The following TLK1 variants were observed in gnomAD, a reference collection of about 807,000 sequenced individuals.
The protein encoded by TLK1 is serine/threonine-protein kinase tousled-like 1.
In TLK1, 24 loss-of-function variants were observed where a neutral mutation model predicts 105.3. The observed-to-expected ratio is 0.23, with a 90% CI of 0.17 to 0.32. The LOEUF (loss-of-function observed/expected upper bound fraction) is 0.32. Ranked by LOEUF, TLK1 falls within the 10% of genes least tolerant of loss-of-function variation. The pLI is 1.00. For missense variants in TLK1, 558 were observed against 910.5 expected (o/e 0.61, Z 4.98); for synonymous variants, 321 against 310.4 (o/e 1.03, Z -0.36).
At chr2:171,178,747 C>A (rs1692876950) in intron 1 of TLK1, among the ~76,000 whole-genome samples, 2 of 152,092 alleles carry the variant, frequency 1.3e-5, no homozygotes, top group Non-Finnish European at 2.9e-5. Context: ...TGCTCTTATT[C>A]TTTTTGTTAA....
At chr2:171,065,826 T>C (rs533503415) in intron 3 of TLK1, among the ~76,000 whole-genome samples, 1 of 152,326 alleles carries the variant, frequency 6.6e-6, no homozygotes, top group Admixed American at 6.5e-5. Flanking sequence ...CGTGAGCCAC[T>C]GCGCCCAGCC....
intron 1 of TLK1, among the ~76,000 whole-genome samples, chr2:171,151,874 G>A (rs1692055243): frequency 6.6e-6 from 1 of 152,182 alleles, no homozygotes; most frequent in African/African-American, 2.4e-5. Flanking sequence ...TTACACAGAT[G>A]TTTAAAAGAA....
chr2:171,020,369 G>A lies in TLK1; in HGVS notation c.1237-5421C>T, dbSNP rs147307698. On this transcript the variant is annotated intron_variant, in intron 12 of 20. Transcript: ENST00000431350. ...AGCCTGGCCAACACAGTGAAACCCC[G>A]TCTCTACTAAAAATATATAAATTAG... Among the ~76,000 whole-genome samples the A allele has an allele frequency of 2.5e-3, 376 of 151,722 alleles. 4 individuals carry two copies. Among genetic ancestry groups the A allele is most frequent in the African/African-American group, 8.8e-3 (365 of 41,384 alleles).
At chr2:171,201,193 AT>A (rs1693392007) in intron 1 of TLK1, among the ~76,000 whole-genome samples, 1 of 152,088 alleles carries the variant, frequency 6.6e-6, no homozygotes, top group Non-Finnish European at 1.5e-5. Context: ...CTCAAATCCC[AT>A]TTTTATATTA....
rs1685101726 is a variant in TLK1, at chr2:171,014,924, G to T, written c.1261C>A (p.Leu421Ile). 6.2e-7 allele frequency: 1 copy of T among 1,613,828 alleles called. No homozygotes were observed. Among genetic ancestry groups the T allele is most frequent in the Non-Finnish European group, 8.5e-7 (1 of 1,179,836 alleles). Reference protein sequence around the residue: ...KKEEAEIQAELERLERVRNLH... With the variant: ...KKEEAEIQAEIERLERVRNLH... ...TTTCTGACTCTTTCCAAACGTTCAA[G>T]TTCTGCCTGGATTTCTGCCTCTTCC... Residue 421 changes from leucine to isoleucine, a missense_variant, in exon 13 of 21, where the codon CTT (leucine) becomes ATT (isoleucine). By Grantham distance (5) the Leu-to-Ile change is conservative. Coordinates refer to ENST00000431350, the MANE Select transcript of TLK1 (RefSeq NM_012290.5).
chr2:171,001,431 G>A (rs1684366491), intron 18 of TLK1, among the ~76,000 whole-genome samples: 1 of 152,144 alleles, frequency 6.6e-6, no homozygotes, highest in South Asian at 2.1e-4. Context: ...CCTGACTTCA[G>A]GGATAAAGCA....
At chr2:171,152,989 T>G (rs1264566407) in intron 1 of TLK1, among the ~76,000 whole-genome samples, 1 of 152,144 alleles carries the variant, frequency 6.6e-6, no homozygotes, top group Non-Finnish European at 1.5e-5. Flanking sequence ...TTTTTGTATT[T>G]TTTTAAATCT....
At chr2:171,109,851 T>C (rs1055661924) in intron 2 of TLK1, among the ~76,000 whole-genome samples, 1 of 152,194 alleles carries the variant, frequency 6.6e-6, no homozygotes, top group Non-Finnish European at 1.5e-5. Flanking sequence ...TCAAAAACAC[T>C]ACATTAAATA....
chr2:171,196,364 G>A (rs218304), intron 1 of TLK1, among the ~76,000 whole-genome samples: 137,931 of 151,966 alleles, frequency 0.91, 64,091 homozygotes, highest in Non-Finnish European at 1. Context: ...TGATCTGCCC[G>A]CCTCAGCCTC....
At chr2:171,111,030 A>T (rs1428118023) in intron 2 of TLK1, among the ~76,000 whole-genome samples, 3 of 152,194 alleles carry the variant, frequency 2.0e-5, no homozygotes, top group Non-Finnish European at 2.9e-5. Flanking sequence ...ATAACAAGTA[A>T]ATTATGAAGG....
rs1415816031 is a variant in TLK1, at chr2:171,098,933, C to T, written c.259-16081G>A. 5.3e-5 allele frequency among the ~76,000 whole-genome samples: 8 copies of T among 152,238 alleles called. No homozygotes were observed. The East Asian group carries it at 1.5e-3, about 29-fold the overall frequency. On this transcript the variant is annotated intron_variant, in intron 2 of 20. Coordinates refer to ENST00000431350, the MANE Select transcript of TLK1 (RefSeq NM_012290.5). The stretch of plus-strand genomic sequence containing the variant: ...ATTTAAAAGGAACAAAAAAGAGCCA[C>T]TCAGCAATCTAGAAATAAAAGGAAA...
At chr2:171,042,993 G>C (rs909122776) in intron 11 of TLK1, among the ~76,000 whole-genome samples, 2 of 151,918 alleles carry the variant, frequency 1.3e-5, no homozygotes, top group African/African-American at 4.8e-5. Context: ...GGTTAAACAT[G>C]GTGAGACATG....
At chr2:171,117,172 G>A (rs1690469635) in intron 2 of TLK1, among the ~76,000 whole-genome samples, 1 of 152,162 alleles carries the variant, frequency 6.6e-6, no homozygotes. Flanking sequence ...CCTCATATCA[G>A]GCATTAGATT....
chr2:171,116,398 T>A (rs1001708248), intron 2 of TLK1, among the ~76,000 whole-genome samples: 4 of 152,028 alleles, frequency 2.6e-5, no homozygotes, highest in African/African-American at 9.7e-5. Flanking sequence ...CTAACAAGCA[T>A]ACAAAGAAAT....
chr2:171,120,248 G>GAA (rs71008751), intron 1 of TLK1, among the ~76,000 whole-genome samples: 44 of 47,046 alleles, frequency 9.4e-4, no homozygotes, highest in East Asian at 1.8e-3. Context: ...GACTCCGTCA[G>GAA]AAAAAAAAAA....
At chr2:171,059,728 T>C (rs1687656914) in intron 4 of TLK1, among the ~76,000 whole-genome samples, 1 of 151,708 alleles carries the variant, frequency 6.6e-6, no homozygotes, top group Non-Finnish European at 1.5e-5. Flanking sequence ...CTGCGGGGAG[T>C]AGGGGAGATG....
chr2:171,129,881 A>ATAACG (rs1691029658), intron 1 of TLK1, among the ~76,000 whole-genome samples: 1 of 150,412 alleles, frequency 6.6e-6, no homozygotes, highest in Admixed American at 6.6e-5. Flanking sequence ...ATAACATAAC[A>ATAACG]TAACATGGGT....
intron 3 of TLK1, among the ~76,000 whole-genome samples, chr2:171,061,579 A>C (rs1687751824): frequency 6.6e-6 from 1 of 152,216 alleles, no homozygotes; most frequent in African/African-American, 2.4e-5. Context: ...TGGATGAGAA[A>C]AAAGGGGCAG....
chr2:171,049,782 C>T lies in TLK1; in HGVS notation c.980+32G>A, dbSNP rs748961845. On this transcript the variant is annotated intron_variant, in intron 10 of 20. Coordinates refer to ENST00000431350, the MANE Select transcript of TLK1 (RefSeq NM_012290.5). ...AAAGTAATGAAAACCCAAACGAATA[C>T]TAAAAACTTTTAAATGTTAAGAATG... The T allele has an allele frequency of 2.5e-6, 4 of 1,610,424 alleles. No homozygotes were observed. In the South Asian group the frequency reaches 3.3e-5, roughly 13 times the overall value.
Sources: allele counts gnomAD v4.1 joint callset (sites outside exome capture counted in the v4.1 genomes callset), GRCh38; gene constraint gnomAD v4.1.1; transcripts MANE v1.5; gene names NCBI Gene and HGNC (gene_info 2026-07-23, HGNC 2026-07-21).